NTM: variants seen among roughly 807,000 people sequenced by gnomAD.
The protein encoded by NTM is IgLON family member 2.
Under a neutral mutation model 42.1 loss-of-function variants are expected in NTM, and 13 were observed. That is an observed-to-expected ratio of 0.31 (90% CI 0.20 to 0.49). The LOEUF (loss-of-function observed/expected upper bound fraction) is 0.49, where lower values mean the gene tolerates loss of function less well. Ranked by LOEUF, NTM falls within the 20% of genes least tolerant of loss-of-function variation. The probability of loss-of-function intolerance (pLI) is 0.99; values close to 1 mark genes in which losing one functional copy is unlikely to be tolerated. For missense variants in NTM, 373 were observed against 452.8 expected, an observed-to-expected ratio of 0.82 and a Z score of 1.60; for synonymous variants, 187 against 179.2, an observed-to-expected ratio of 1.04 and a Z score of -0.35.
intron 1 of NTM, among the ~76,000 whole-genome samples, chr11:131,692,785 T>C (rs184545685): frequency 6.6e-6 from 1 of 152,228 alleles, no homozygotes; most frequent in Non-Finnish European, 1.5e-5. Context: ...TTCAGGGTTA[T>C]AGACCCTGAA....
intron 2 of NTM, among the ~76,000 whole-genome samples, chr11:131,937,548 G>A (rs530629786): frequency 1.3e-5 from 2 of 152,190 alleles, no homozygotes; most frequent in South Asian, 4.2e-4. Context: ...CTTGGTCAGA[G>A]GTGAATGAAA....
chr11:131,458,371 G>A (rs182919338), intron 1 of NTM, among the ~76,000 whole-genome samples: 1 of 152,282 alleles, frequency 6.6e-6, no homozygotes, highest in Admixed American at 6.5e-5. Flanking sequence ...CACATTTGGA[G>A]GGGAAAGCCC....
At chr11:131,919,746 A>ATATG (rs10634005) in intron 2 of NTM, among the ~76,000 whole-genome samples, 126,940 of 151,794 alleles carry the variant, frequency 0.84, 53,520 homozygotes, top group East Asian at 1. Context: ...ATATGAATAT[A>ATATG]TATGTACATA....
intron 2 of NTM, among the ~76,000 whole-genome samples, chr11:132,100,391 G>A (rs372771141): frequency 1.9e-4 from 29 of 152,298 alleles, no homozygotes; most frequent in South Asian, 8.3e-4. Flanking sequence ...GTGGGCAGGC[G>A]GATCATCACA....
intron 2 of NTM, among the ~76,000 whole-genome samples, chr11:132,129,564 T>C (rs1487053053): frequency 6.6e-6 from 1 of 152,162 alleles, no homozygotes; most frequent in South Asian, 2.1e-4. Flanking sequence ...TCAGGTGGGT[T>C]TTTCATGCCT....
At chr11:132,037,895 G>A (rs2135735924) in intron 2 of NTM, among the ~76,000 whole-genome samples, 1 of 152,338 alleles carries the variant, frequency 6.6e-6, no homozygotes, top group African/African-American at 2.4e-5. Flanking sequence ...TCTCATTGCT[G>A]TTAAACTGCT....
chr11:132,155,789 A>C (rs1467722344), intron 3 of NTM, among the ~76,000 whole-genome samples: 5 of 152,228 alleles, frequency 3.3e-5, no homozygotes, highest in Non-Finnish European at 7.3e-5. Context: ...TCCCTTTCAC[A>C]CATAAACCAT....
chr11:131,625,243 A>C (rs1274459084), intron 1 of NTM, among the ~76,000 whole-genome samples: 1 of 152,178 alleles, frequency 6.6e-6, no homozygotes, highest in Non-Finnish European at 1.5e-5. Context: ...ACCTGACTAC[A>C]TCAGAGGCCG....
intron 2 of NTM, among the ~76,000 whole-genome samples, chr11:132,107,695 G>T (rs957205289): frequency 3.9e-5 from 6 of 151,952 alleles, no homozygotes; most frequent in African/African-American, 1.5e-4. Flanking sequence ...TGAGTTAACG[G>T]CAGCTTACTG....
At chr11:131,877,594 G>A (rs1265959063) in intron 1 of NTM, 1 of 152,032 alleles carries the variant, frequency 6.6e-6, no homozygotes, top group South Asian at 2.1e-4. Context: ...TACCCATCTC[G>A]GGCAGGCTTA....
chr11:131,602,320 T>G (rs748179197), intron 1 of NTM, among the ~76,000 whole-genome samples: 1 of 152,170 alleles, frequency 6.6e-6, no homozygotes, highest in Non-Finnish European at 1.5e-5. Flanking sequence ...GGACAGGGGT[T>G]TCCATCGCCA....
chr11:131,481,421 G>T (rs908813370), intron 1 of NTM, among the ~76,000 whole-genome samples: 3 of 152,200 alleles, frequency 2.0e-5, no homozygotes, highest in African/African-American at 7.2e-5. Flanking sequence ...CCCCAGTTTG[G>T]GAAGACGCAA....
At chr11:131,414,090 A>G (rs1029481630) in intron 1 of NTM, among the ~76,000 whole-genome samples, 4 of 152,148 alleles carry the variant, frequency 2.6e-5, no homozygotes, top group African/African-American at 9.7e-5. Context: ...GGTTTCTTCC[A>G]CCAGTGTCGC....
intron 4 of NTM, among the ~76,000 whole-genome samples, chr11:132,246,875 C>A (rs1433953191): frequency 1.3e-5 from 2 of 152,212 alleles, no homozygotes; most frequent in South Asian, 4.1e-4. Flanking sequence ...AGGCAAGAGC[C>A]CGGCCACCCT....
intron 2 of NTM, among the ~76,000 whole-genome samples, chr11:131,929,090 G>A (rs2058289736): frequency 1.3e-5 from 2 of 152,238 alleles, no homozygotes; most frequent in Admixed American, 6.5e-5. Flanking sequence ...AGAAGTAAGT[G>A]GCCGCACAAT....
intron 1 of NTM, among the ~76,000 whole-genome samples, chr11:131,773,006 C>A (rs184510520): frequency 8.7e-4 from 132 of 152,296 alleles, no homozygotes; most frequent in Non-Finnish European, 1.6e-3. Flanking sequence ...AACTGATGTA[C>A]TGACATAAAT....
chr11:131,992,195 T>C (rs1267572199), intron 2 of NTM, among the ~76,000 whole-genome samples: 2 of 152,346 alleles, frequency 1.3e-5, no homozygotes, highest in East Asian at 3.9e-4. Flanking sequence ...AGTTTTATGA[T>C]GATTAACTTT....
At chr11:132,037,248 G>C (rs982012600) in intron 2 of NTM, among the ~76,000 whole-genome samples, 1 of 151,948 alleles carries the variant, frequency 6.6e-6, no homozygotes, top group African/African-American at 2.4e-5. Context: ...GTAAGAGAGA[G>C]GGGGAGCCCT....
chr11:132,015,265 G>A (rs564051355), intron 2 of NTM, among the ~76,000 whole-genome samples: 1 of 151,880 alleles, frequency 6.6e-6, no homozygotes. Context: ...CTGATTTTAT[G>A]CCAATACCAT....
Sources: gnomAD v4.1 joint callset for allele counts (sites outside exome capture counted in the v4.1 genomes callset) on GRCh38, gnomAD v4.1.1 for gene constraint, MANE v1.5 for transcripts, NCBI Gene and HGNC (gene_info 2026-07-23, HGNC 2026-07-21) for gene names.